Variants in TBX5 observed in about 807,000 individuals in gnomAD.
TBX5 encodes the protein T-box transcription factor TBX5.
In TBX5, 8 loss-of-function variants were observed where a neutral mutation model predicts 51.1. That is an observed-to-expected ratio of 0.16 (90% CI 0.09 to 0.28). The LOEUF (loss-of-function observed/expected upper bound fraction) is 0.28. Among genes scored for constraint, TBX5 ranks in the 10% least tolerant of loss-of-function variants. TBX5 has a pLI of 1.00. For synonymous variants in TBX5, 302 were observed against 266.4 expected (o/e 1.13, Z -1.30); for missense variants, 589 against 671.7 (o/e 0.88, Z 1.36).
At chr12:114,398,285 G>T (rs758262754) in intron 5 of TBX5, among the ~76,000 whole-genome samples, 7 of 152,124 alleles carry the variant, frequency 4.6e-5, no homozygotes, top group Non-Finnish European at 8.8e-5. Context: ...GAGAGTAGTG[G>T]AGACAGAGGA....
At chr12:114,378,789 ACCACACCCAG>A (rs1254511719) in intron 7 of TBX5, among the ~76,000 whole-genome samples, 1 of 152,002 alleles carries the variant, frequency 6.6e-6, no homozygotes, top group Non-Finnish European at 1.5e-5. Context: ...GGTGAGCACC[ACCACACCCAG>A]CTAATTTTTT....
At chr12:114,404,624 G>A (rs1249915568) in intron 1 of TBX5, among the ~76,000 whole-genome samples, 2 of 152,034 alleles carry the variant, frequency 1.3e-5, no homozygotes, top group Admixed American at 1.3e-4. Context: ...AGTAAGATTC[G>A]TTAAAAGATA....
chr12:114,391,467 T>C (rs764796099), intron 6 of TBX5, among the ~76,000 whole-genome samples: 9 of 152,326 alleles, frequency 5.9e-5, no homozygotes, highest in Non-Finnish European at 1.0e-4. Flanking sequence ...CATCAATCAT[T>C]ACTAATGCTC....
At position 114,355,421 on chromosome 12, in the gene TBX5, T is replaced by C; in HGVS notation, c.*111A>G. The C allele has an allele frequency of 7.3e-7, 1 of 1,377,296 alleles. No individual in the cohort carries two copies. The highest frequency in any genetic ancestry group is 1.0e-6 in the Non-Finnish European group (1 of 993,442). 85.3% of individuals were successfully genotyped at this position (1,377,296 alleles called of 1,614,324 possible). A position where few individuals can be genotyped will look rare whatever the true frequency, so the allele number is the denominator to read the frequency against. On this transcript the variant is annotated 3_prime_UTR_variant, in exon 9 of 9. Transcript: ENST00000405440. ...GTGCAGATGTGAACATTGGGTGAAA[T>C]GAAAAATCTTGTCCGTGGGGTTCTC...
intron 5 of TBX5, among the ~76,000 whole-genome samples, chr12:114,397,287 G>C (rs888133376): frequency 6.6e-6 from 1 of 152,084 alleles, no homozygotes; most frequent in African/African-American, 2.4e-5. Flanking sequence ...AGACCTAGCC[G>C]CAAATCTCTG....
intron 4 of TBX5, 148 bp downstream of exon 4, chr12:114,399,361 TAGTA>T: frequency 9.2e-7 from 1 of 1,092,334 alleles, no homozygotes; most frequent in Admixed American, 2.0e-5. Flanking sequence ...TGAGAATGGT[TAGTA>T]AAAAGCAATG....
At chr12:114,408,115 C>T (rs748787266), upstream of TBX5, 5 of 985,304 alleles carry the variant, frequency 5.1e-6, no homozygotes, top group African/African-American at 1.7e-5. Context: ...TCACGAGTCA[C>T]GCAACCGGCC....
intron 8 of TBX5, among the ~76,000 whole-genome samples, chr12:114,362,409 C>T (rs972516454): frequency 1.3e-5 from 2 of 152,130 alleles, no homozygotes; most frequent in African/African-American, 2.4e-5. Flanking sequence ...ACCACTTTGC[C>T]CTTGCCTTGA....
intron 7 of TBX5, among the ~76,000 whole-genome samples, chr12:114,369,452 C>T (rs534815252): frequency 1.2e-4 from 19 of 152,278 alleles, no homozygotes; most frequent in African/African-American, 4.6e-4. Context: ...TCTGTTAATG[C>T]CTGAAATACG....
At chr12:114,395,600 G>T (rs1565939649) in intron 5 of TBX5, among the ~76,000 whole-genome samples, 1 of 152,102 alleles carries the variant, frequency 6.6e-6, no homozygotes, top group Non-Finnish European at 1.5e-5. Context: ...CTCAAAGAAG[G>T]GGCTGGTTGC....
chr12:114,405,508 C>T (rs772934425), intron 1 of TBX5, 120 bp downstream of exon 1: 37 of 172,072 alleles, frequency 2.2e-4, no homozygotes, highest in Non-Finnish European at 3.5e-4. Flanking sequence ...CGCAAAATCT[C>T]TGCAAGCTGT....
chr12:114,407,169 C>T, upstream of TBX5: 1 of 946,866 alleles, frequency 1.1e-6, no homozygotes, highest in South Asian at 4.9e-5. Context: ...CTGCAAAATG[C>T]CAAAGTGGAG....
Position 114,355,960 on chromosome 12 carries a change from C to T in TBX5, c.1129G>A (p.Ala377Thr), listed in dbSNP as rs1450393334. Residue 377 changes from alanine to threonine, a missense_variant, in exon 9 of 9, where the codon GCT (alanine) becomes ACT (threonine). By Grantham distance (58) the Ala-to-Thr change is moderately conservative (BLOSUM62 0). Transcript: ENST00000405440. ...SYRTESAQRQ[A>T]CMYASSAPPS... ...GGCGCAGAGCTGGCATACATGCAAG[C>T]TTGCCGCTGTGCCGACTCTGTCCTG... is the stretch of plus-strand genomic sequence containing the variant. 2 of 1,613,914 alleles carry T rather than the reference C, an allele frequency of 1.2e-6. No individual in the cohort carries two copies. Among genetic ancestry groups the T allele is most frequent in the African/African-American group, 2.7e-5 (2 of 74,938 alleles).
Position 114,405,660 on chromosome 12 carries a change from C to T in TBX5, c.-71G>A. The T allele has an allele frequency of 1.0e-6, 1 of 975,824 alleles. No homozygotes were observed. The allele number at this position is 975,824 out of a possible 1,614,324, so 60.4% of individuals were successfully genotyped here. On this transcript the variant is annotated 5_prime_UTR_variant, in exon 1 of 9. Coordinates refer to ENST00000405440, the MANE Select transcript of TBX5 (RefSeq NM_181486.4). ...GGTGAAGCCGGTGCATTCACCACAT[C>T]CTCTGCTGCTCCTAGCAGGGAAGCC...
intron 1 of TBX5, among the ~76,000 whole-genome samples, chr12:114,405,244 G>C (rs1479556755): frequency 6.6e-6 from 1 of 152,200 alleles, no homozygotes; most frequent in African/African-American, 2.4e-5. Flanking sequence ...CTTCAGGGAG[G>C]CGGCGACTGG....
chr12:114,407,930 G>A (rs1565945152), upstream of TBX5: 4 of 985,292 alleles, frequency 4.1e-6, no homozygotes, highest in Non-Finnish European at 3.6e-6. Context: ...TTTAGGCCAG[G>A]TCTTCTTCCA....
At chr12:114,394,055 C>T (rs1376750520) in intron 6 of TBX5, among the ~76,000 whole-genome samples, 1 of 152,176 alleles carries the variant, frequency 6.6e-6, no homozygotes, top group Non-Finnish European at 1.5e-5. Flanking sequence ...GCCTGTAATA[C>T]CAACGCTTTG....
chr12:114,362,221 G>A (rs958908387), intron 8 of TBX5, among the ~76,000 whole-genome samples: 1 of 152,134 alleles, frequency 6.6e-6, no homozygotes, highest in African/African-American at 2.4e-5. Flanking sequence ...ATAGTCCTGT[G>A]CTATCATAGC....
intron 7 of TBX5, among the ~76,000 whole-genome samples, chr12:114,367,271 G>GAAAGAAAGAAAAGA (rs1593848319): frequency 1.2e-4 from 4 of 33,688 alleles, no homozygotes; most frequent in Admixed American, 3.5e-4. Context: ...GAAAAGAAAA[G>GAAAGAAAGAAAAGA]AAAAAATCAG....
Sources: allele counts gnomAD v4.1 joint callset (sites outside exome capture counted in the v4.1 genomes callset), GRCh38; gene constraint gnomAD v4.1.1; transcripts MANE v1.5; gene names NCBI Gene and HGNC (gene_info 2026-07-23, HGNC 2026-07-21).